BIRC7: variants seen among roughly 807,000 people sequenced by gnomAD.
BIRC7 encodes baculoviral IAP repeat-containing protein 7.
In BIRC7, 26 loss-of-function variants were observed where a neutral mutation model predicts 33.2. The observed-to-expected ratio is 0.78, with a 90% CI of 0.57 to 1.09. BIRC7 has a LOEUF of 1.09. BIRC7 is among the 50% of genes least tolerant of loss of function. The pLI, the probability that BIRC7 is intolerant of heterozygous loss-of-function variation, is 0.00. For synonymous variants in BIRC7, 176 were observed against 171.0 expected (o/e 1.03, Z -0.23); for missense variants, 409 against 401.2 (o/e 1.02, Z -0.17).
At chr20:63,238,892 G>A in intron 4 of BIRC7, 1 of 625,550 alleles carries the variant, frequency 1.6e-6, no homozygotes, top group Non-Finnish European at 2.8e-6. Flanking sequence ...CCCCAACAGT[G>A]CCCAGCACAC....
rs748156208 is a variant in BIRC7 at position 63,237,937 on chromosome 20, T to C, written c.384T>C (p.Tyr128=). ...HQDKVRCFFC[Y]GGLQSWKRGD... Reference sequence around the variant, plus strand: ...ACAAGGTGAGGTGCTTCTTCTGCTATGGGGGCCTGCAGAGCTGGAAGCGCG... The same window carrying C: ...ACAAGGTGAGGTGCTTCTTCTGCTACGGGGGCCTGCAGAGCTGGAAGCGCG... The change falls in exon 2 of 7, where the codon TAT becomes TAC. Residue 128 remains tyrosine (Y), a synonymous_variant. Transcript: ENST00000217169. The C allele has an allele frequency of 1.2e-6, 2 of 1,608,302 alleles. No homozygotes were observed. Among genetic ancestry groups the C allele is most frequent in the South Asian group, 1.1e-5 (1 of 90,488 alleles).
rs746160125 is a variant in BIRC7 at position 63,238,019 on chromosome 20, C to T, written c.449+17C>T. On this transcript the variant is annotated intron_variant, in intron 2 of 6. Coordinates refer to ENST00000217169, the MANE Select transcript of BIRC7 (RefSeq NM_139317.3). ...GTTCCCCAGGTACCGGCTGCCCCTG[C>T]GGGGCCCCGGGTCTGATCATGGGTA... 14 of 1,570,358 alleles carry T rather than the reference C, an allele frequency of 8.9e-6. No homozygotes were observed. The highest frequency in any genetic ancestry group is 3.5e-5 in the South Asian group (3 of 84,896).
intron 6 of BIRC7, 64 bp downstream of exon 6, chr20:63,239,674 C>T (rs2066721389): frequency 6.6e-7 from 1 of 1,515,200 alleles, no homozygotes; most frequent in African/African-American, 1.4e-5. Flanking sequence ...CCGGCTGTGC[C>T]CGGCCCTCCT....
chr20:63,235,918 T>C lies in BIRC7; in HGVS notation c.-179T>C. 1 of 746,320 alleles carries C rather than the reference T, an allele frequency of 1.3e-6. No individual in the cohort carries two copies. The highest frequency in any genetic ancestry group is 2.0e-6 in the Non-Finnish European group (1 of 492,392). 46.2% of individuals were successfully genotyped at this position (746,320 alleles called of 1,614,324 possible). On this transcript the variant is annotated 5_prime_UTR_variant, in exon 1 of 7. Coordinates refer to ENST00000217169, the MANE Select transcript of BIRC7 (RefSeq NM_139317.3). ...GCCACCCTGGCCACTTCCAGAAAGC[T>C]GTGGGCCCTGGGATACTCCCCTCCC... is the stretch of plus-strand genomic sequence containing the variant.
intron 1 of BIRC7, among the ~76,000 whole-genome samples, chr20:63,237,082 C>T (rs1193195758): frequency 6.6e-6 from 1 of 152,262 alleles, no homozygotes; most frequent in African/African-American, 2.4e-5. Context: ...GCAGCAGGGC[C>T]CACCGAGGGC....
rs144498460 is a variant in BIRC7, at chr20:63,239,531, T to G, written c.823T>G (p.Cys275Gly). The change falls in exon 6 of 7, where the codon TGT becomes GGT. Residue 275 changes from cysteine (C) to glycine (G), a missense_variant. Physicochemically the swap from Cys to Gly is radical, Grantham distance 159. Coordinates refer to ENST00000217169, the MANE Select transcript of BIRC7 (RefSeq NM_139317.3). ...GTGCGGCCACCTGGTCTGTGCTGAG[T>G]GTGCCCCCGGCCTGCAGCTGTGCCC... ...VPCGHLVCAE[C>G]APGLQLCPIC... The G allele has an allele frequency of 1.9e-6, 3 of 1,604,872 alleles. No homozygotes were observed. Among genetic ancestry groups the G allele is most frequent in the Non-Finnish European group, 2.5e-6 (3 of 1,179,738 alleles).
In BIRC7 at chr20:63,239,509, C is replaced by A. The variant is rs201443011; in HGVS notation, c.801C>A (p.Cys267Ter). 22 of 1,605,920 alleles carry A rather than the reference C, an allele frequency of 1.4e-5. No individual in the cohort carries two copies. In the South Asian group the frequency reaches 2.2e-4, roughly 16 times the overall value. ...CCGTGTCCATCGTCTTTGTGCCGTG[C>A]GGCCACCTGGTCTGTGCTGAGTGTG... ...DRAVSIVFVP[C>*]GHLVCAECAP... Residue 267 changes from cysteine (C) to a stop codon, truncating the protein, a stop_gained, in exon 6 of 7, where the codon TGC (cysteine) becomes TGA (stop). Transcript: ENST00000217169. LOFTEE classifies it high-confidence loss of function.
rs77453713 is a variant in BIRC7, at chr20:63,240,038, T to C, written c.*6-218T>C. Among the ~76,000 whole-genome samples, 592 of 152,352 alleles carry C rather than the reference T, an allele frequency of 3.9e-3. 3 individuals are homozygous for C. Among genetic ancestry groups the C allele is most frequent in the African/African-American group, 0.013 (542 of 41,580 alleles). The stretch of plus-strand genomic sequence containing the variant: ...TGCACGGGAAGGGGGTGTGTGAACC[T>C]GTTCTTAGAGAAGTGGGTGGGATAC... On this transcript the variant is annotated intron_variant, in intron 6 of 6. Coordinates refer to ENST00000217169, the MANE Select transcript of BIRC7 (RefSeq NM_139317.3).
chr20:63,236,761 G>A (rs55954418), intron 1 of BIRC7, among the ~76,000 whole-genome samples: 3,181 of 152,314 alleles, frequency 0.021, 111 homozygotes, highest in African/African-American at 0.073. Flanking sequence ...GAAGTGGGTG[G>A]GGCTGACATT....
At position 63,238,927 on chromosome 20, in the gene BIRC7, G is replaced by A. The variant is rs1275646378; in HGVS notation, c.578-235G>A. On this transcript the variant is annotated intron_variant, in intron 4 of 6. Coordinates refer to ENST00000217169, the MANE Select transcript of BIRC7 (RefSeq NM_139317.3). ...CAGCATCTGCAGCTACTGCCAGATGGGCAGGATGTGCAGAGGGCATTGGAC... is the reference window on the plus strand; with the variant it reads ...CAGCATCTGCAGCTACTGCCAGATGAGCAGGATGTGCAGAGGGCATTGGAC... 103 of 628,396 alleles carry A rather than the reference G, an allele frequency of 1.6e-4. 2 individuals are homozygous for A. The East Asian group carries it at 2.7e-3, about 16-fold the overall frequency. The allele number at this position is 628,396 out of a possible 1,614,324, so 38.9% of individuals were successfully genotyped here.
rs1443378005 is a variant in BIRC7 at position 63,238,627 on chromosome 20, A to G, written c.577+13A>G. 2.5e-6 allele frequency: 4 copies of G among 1,612,360 alleles called. No homozygotes were observed. The highest frequency in any genetic ancestry group is 3.4e-6 in the Non-Finnish European group (4 of 1,179,918). On this transcript the variant is annotated intron_variant, in intron 4 of 6. Transcript: ENST00000217169. The stretch of plus-strand genomic sequence containing the variant: ...GTGGCCCCCTCCGGTGAGAGCTGAC[A>G]CCACCCCTGCTGACTCCTTGTGCGC...
chr20:63,238,375 A>G, intron 2 of BIRC7, 21 bp from the exon 3 acceptor site: 1 of 1,611,094 alleles, frequency 6.2e-7, no homozygotes, highest in Non-Finnish European at 8.5e-7. Flanking sequence ...ACCCCAACCT[A>G]CATCTCTGGG....
At chr20:63,238,241 TG>T in intron 2 of BIRC7, 154 bp from the exon 3 acceptor site, 1 of 969,452 alleles carries the variant, frequency 1.0e-6, no homozygotes, top group African/African-American at 1.6e-5. Flanking sequence ...TGAAGCCCCA[TG>T]GAGGCGTCTC....
chr20:63,237,467 T>C (rs80167718), intron 1 of BIRC7, among the ~76,000 whole-genome samples: 3,544 of 151,478 alleles, frequency 0.023, 71 homozygotes, highest in African/African-American at 0.051. Flanking sequence ...GAGGCATGAG[T>C]TCCTAAAAGC....
rs1177385731 is a variant in BIRC7 at position 63,238,777 on chromosome 20, G to A, written c.577+163G>A. ...TTGGCTTCAGGGGGCTGTGCCATGT[G>A]AGGGTGGGGGCGGGGCGGCAGGGGC... is the stretch of plus-strand genomic sequence containing the variant. On this transcript the variant is annotated intron_variant, in intron 4 of 6. Transcript: ENST00000217169. 2.4e-5 allele frequency: 23 copies of A among 975,948 alleles called. No homozygotes were observed. The Admixed American group carries it at 5.6e-4, about 24-fold the overall frequency. The allele number at this position is 975,948 out of a possible 1,614,324, so 60.5% of individuals were successfully genotyped here. A position where few individuals can be genotyped will look rare whatever the true frequency, so the allele number is the denominator to read the frequency against.
At chr20:63,238,055 C>T in intron 2 of BIRC7, 53 bp downstream of exon 2, 1 of 1,452,392 alleles carries the variant, frequency 6.9e-7, no homozygotes, top group South Asian at 1.3e-5. Flanking sequence ...GGGGGTGGGC[C>T]CCCAACGGCT....
chr20:63,237,164 G>A (rs1304357804), intron 1 of BIRC7, among the ~76,000 whole-genome samples: 1 of 152,218 alleles, frequency 6.6e-6, no homozygotes, highest in African/African-American at 2.4e-5. Context: ...TGGTAAGGCT[G>A]GACCAACTTA....
chr20:63,240,162 A>G (rs1418946291), intron 6 of BIRC7, 94 bp from the exon 7 acceptor site: 1 of 155,204 alleles, frequency 6.4e-6, no homozygotes, highest in African/African-American at 2.4e-5. Context: ...GCAGGGGACA[A>G]AGTGGTCGGG....
rs1434568552 is a variant in BIRC7, at chr20:63,239,391, G to C, written c.683G>C (p.Trp228Ser). 6.2e-7 allele frequency: 1 copy of C among 1,604,580 alleles called. No homozygotes were observed. Among genetic ancestry groups the C allele is most frequent in the African/African-American group, 1.3e-5 (1 of 74,912 alleles). The change falls in exon 6 of 7, where the codon TGG becomes TCG. Residue 228 changes from tryptophan (W) to serine (S), a missense_variant. Trp to Ser is a radical substitution (Grantham distance 177). Coordinates refer to ENST00000217169, the MANE Select transcript of BIRC7 (RefSeq NM_139317.3). ...GVSPAEAQRA[W>S]WVLEPPGARD... ...AGTCCAGCCGAGGCCCAGAGGGCGT[G>C]GTGGGTTCTTGAGCCCCCAGGAGCC...
Sources: allele counts gnomAD v4.1 joint callset (sites outside exome capture counted in the v4.1 genomes callset), GRCh38; gene constraint gnomAD v4.1.1; transcripts MANE v1.5; gene names NCBI Gene and HGNC (gene_info 2026-07-23, HGNC 2026-07-21).